The following SGSM1 variants were observed in gnomAD, a reference collection of about 807,000 sequenced individuals.
SGSM1 encodes small G protein signaling modulator 1, also known as RUN and TBC1 domain containing 2.
Under a neutral mutation model 133.8 loss-of-function variants are expected in SGSM1, and 73 were observed. The ratio of observed to expected loss-of-function variants is 0.55; its 90% confidence interval spans 0.45 to 0.66. The LOEUF is 0.66. Ranked by LOEUF, SGSM1 falls within the 30% of genes least tolerant of loss-of-function variation. The pLI, the probability that SGSM1 is intolerant of heterozygous loss-of-function variation, is 0.00. For synonymous variants in SGSM1, 563 were observed against 573.0 expected (o/e 0.98, Z 0.25); for missense variants, 1,213 against 1,448.1 (o/e 0.84, Z 2.64).
chr22:24,874,420 C>G, intron 12 of SGSM1: 1 of 1,609,200 alleles, frequency 6.2e-7, no homozygotes, highest in Non-Finnish European at 8.5e-7. Context: ...TCAAGTTGCC[C>G]CCGACTTCTT....
intron 3 of SGSM1, 48 bp downstream of exon 3, chr22:24,845,020 C>T (rs201835181): frequency 1.6e-5 from 25 of 1,585,606 alleles, no homozygotes; most frequent in South Asian, 3.3e-5. Flanking sequence ...TGGGCTGCCT[C>T]GGGGAAGTGG....
At chr22:24,862,297 G>C (rs1931202114) in intron 9 of SGSM1, among the ~76,000 whole-genome samples, 1 of 152,064 alleles carries the variant, frequency 6.6e-6, no homozygotes, top group African/African-American at 2.4e-5. Flanking sequence ...GGAAGAATAG[G>C]GGAGGGGTCC....
chr22:24,863,842 A>C (rs1931298772), intron 9 of SGSM1, among the ~76,000 whole-genome samples: 1 of 151,192 alleles, frequency 6.6e-6, no homozygotes, highest in Admixed American at 6.6e-5. Flanking sequence ...CCCAGGTTCA[A>C]GCGATTTTCC....
rs536770472 is a variant in SGSM1, at chr22:24,861,960, T to C, written c.926+2120T>C. 3.9e-3 allele frequency among the ~76,000 whole-genome samples: 592 copies of C among 150,292 alleles called. 6 individuals are homozygous for C. The highest frequency in any genetic ancestry group is 0.01 in the African/African-American group (427 of 41,036). ...CTAGAGTTTCTTTCTTTCTTTCTTT[T>C]TTTTTTTTTTTGAGACAGAGTTTTG... On this transcript the variant is annotated intron_variant, in intron 9 of 24. Coordinates refer to ENST00000400358, the MANE Select transcript of SGSM1 (RefSeq NM_001098497.3).
intron 2 of SGSM1, among the ~76,000 whole-genome samples, chr22:24,807,271 A>G (rs1927461366): frequency 6.6e-6 from 1 of 152,078 alleles, no homozygotes; most frequent in Non-Finnish European, 1.5e-5. Flanking sequence ...TGGTGTGTAT[A>G]CCTGCATGGG....
intron 2 of SGSM1, among the ~76,000 whole-genome samples, chr22:24,812,531 G>A (rs536146639): frequency 6.6e-6 from 1 of 152,278 alleles, no homozygotes; most frequent in Non-Finnish European, 1.5e-5. Flanking sequence ...ACACAGCTTG[G>A]CTTCAGGCAT....
intron 17 of SGSM1, 52 bp from the exon 18 acceptor site, chr22:24,895,171 T>C (rs1451735692): frequency 7.7e-6 from 12 of 1,554,386 alleles, no homozygotes; most frequent in Non-Finnish European, 9.6e-6. Context: ...CTTCCTGCTC[T>C]GGGCCAGGGT....
At chr22:24,904,201 TA>T (rs1933278564) in intron 20 of SGSM1, among the ~76,000 whole-genome samples, 1 of 152,048 alleles carries the variant, frequency 6.6e-6, no homozygotes, top group African/African-American at 2.4e-5. Context: ...AATGTACATT[TA>T]AAAAATGTGT....
intron 3 of SGSM1, among the ~76,000 whole-genome samples, chr22:24,845,936 TTTTCTTTTC>T (rs1179720225): frequency 3.5e-5 from 5 of 142,628 alleles, no homozygotes; most frequent in East Asian, 2.0e-4. Flanking sequence ...CTTTCTTTTC[TTTTCTTTTC>T]TTTCTTTCTT....
intron 18 of SGSM1, 47 bp from the exon 19 acceptor site, chr22:24,897,925 T>C: frequency 6.7e-7 from 1 of 1,500,904 alleles, no homozygotes; most frequent in East Asian, 2.5e-5. Flanking sequence ...TAAGTAATGC[T>C]GCAGTCGACA....
At chr22:24,842,440 T>A (rs780182180) in intron 2 of SGSM1, among the ~76,000 whole-genome samples, 62 of 152,212 alleles carry the variant, frequency 4.1e-4, no homozygotes, top group Non-Finnish European at 7.1e-4. Context: ...ATATATTTTT[T>A]TTCAAATAAA....
At chr22:24,911,494 C>T (rs1226110943) in intron 21 of SGSM1, among the ~76,000 whole-genome samples, 1 of 152,002 alleles carries the variant, frequency 6.6e-6, no homozygotes, top group African/African-American at 2.4e-5. Context: ...CACATAGTGA[C>T]TTGTTTCCAA....
intron 2 of SGSM1, among the ~76,000 whole-genome samples, chr22:24,816,479 G>A (rs1232467153): frequency 6.7e-5 from 9 of 134,050 alleles, no homozygotes; most frequent in African/African-American, 2.4e-4. Context: ...GCAGTGGCAC[G>A]ATCTCAGCTC....
intron 2 of SGSM1, 87 bp downstream of exon 2, chr22:24,806,571 T>G: frequency 7.0e-7 from 1 of 1,425,920 alleles, no homozygotes; most frequent in South Asian, 1.4e-5. Context: ...GGGTGGCCTC[T>G]GGCGGCGGGG....
chr22:24,907,603 G>A (rs1451885759), intron 21 of SGSM1, among the ~76,000 whole-genome samples: 2 of 151,706 alleles, frequency 1.3e-5, no homozygotes, highest in African/African-American at 4.8e-5. Context: ...GAAATTCAAG[G>A]GATTTAGAAT....
At chr22:24,836,246 C>T (rs1396529853) in intron 2 of SGSM1, among the ~76,000 whole-genome samples, 2 of 152,224 alleles carry the variant, frequency 1.3e-5, no homozygotes, top group Non-Finnish European at 2.9e-5. Context: ...GCACAGCGTC[C>T]TCAAGGTTCA....
chr22:24,859,912 G>A (rs1931029045), intron 9 of SGSM1, 72 bp downstream of exon 9: 15 of 1,588,680 alleles, frequency 9.4e-6, no homozygotes, highest in African/African-American at 1.3e-5. Flanking sequence ...TTCCTCCCCG[G>A]GGGAGGGGAG....
intron 11 of SGSM1, 84 bp from the exon 12 acceptor site, chr22:24,868,639 C>T (rs1333655302): frequency 1.2e-5 from 19 of 1,608,374 alleles, no homozygotes; most frequent in South Asian, 9.9e-5. Flanking sequence ...TGGCCTCATG[C>T]GCTCTCCACT....
chr22:24,921,533 G>C (rs1250967569), intron 24 of SGSM1, among the ~76,000 whole-genome samples: 1 of 152,086 alleles, frequency 6.6e-6, no homozygotes, highest in African/African-American at 2.4e-5. Context: ...TCATCTGTTA[G>C]CATAAAGATT....
Sources: allele counts gnomAD v4.1 joint callset (sites outside exome capture counted in the v4.1 genomes callset), GRCh38; gene constraint gnomAD v4.1.1; transcripts MANE v1.5; gene names NCBI Gene and HGNC (gene_info 2026-07-23, HGNC 2026-07-21).